TTLL8: variants seen among roughly 807,000 people sequenced by gnomAD.
TTLL8 encodes tubulin tyrosine ligase like 8.
TTLL8 carries 65 observed loss-of-function variants against 77.8 expected under a neutral mutation model. The ratio of observed to expected loss-of-function variants is 0.84; its 90% CI spans 0.68 to 1.03. The LOEUF is 1.03. TTLL8 is among the 50% of genes least tolerant of loss of function. TTLL8 has a pLI of 0.00. For synonymous variants in TTLL8, 402 were observed against 422.8 expected (o/e 0.95, Z 0.60); for missense variants, 910 against 1,004.5 (o/e 0.91, Z 1.27).
chr22:50,020,884 C>CGAT (rs2061192992), intron 12 of TTLL8, among the ~76,000 whole-genome samples: 2 of 136,194 alleles, frequency 1.5e-5, no homozygotes, highest in African/African-American at 5.6e-5. Context: ...CTCCATCTGA[C>CGAT]GTGCACTCCT....
upstream of TTLL8, among the ~76,000 whole-genome samples, chr22:50,056,215 C>T (rs1290678958): frequency 6.6e-6 from 1 of 152,202 alleles, no homozygotes; most frequent in Admixed American, 6.5e-5. This position sits in a 1 kb window ranked among gnomAD's most constrained non-coding sequence, Gnocchi z 4.1. Flanking sequence ...CCTGCAAGTC[C>T]ATGAGGCCAT....
exon 3 of TTLL8, chr22:50,049,286 A>G: frequency 7.3e-7 from 1 of 1,367,648 alleles, no homozygotes; most frequent in Non-Finnish European, 9.8e-7. Context: ...CTCCAAAGCC[A>G]TTTCTTGATT....
At chr22:50,030,981 C>A in intron 11 of TTLL8, 56 bp from the exon 13 acceptor site, 1 of 1,284,768 alleles carries the variant, frequency 7.8e-7, no homozygotes, top group African/African-American at 1.5e-5. Flanking sequence ...GGGGGGGTCC[C>A]TGCAGGAGGG....
rs1302809565 is a variant in TTLL8, at chr22:50,023,904, CA to C, written c.2203+6525del. Reference sequence around the variant, plus strand: ...GCATGGTCGTGGGCACCTGTAATCCCAGCTACTTGGGAGGCTGGGGCAGGAG... The same window carrying C: ...GCATGGTCGTGGGCACCTGTAATCCCGCTACTTGGGAGGCTGGGGCAGGAG... On this transcript the variant is annotated intron_variant, in intron 12 of 13. Transcript: ENST00000266182. 3.9e-5 allele frequency among the ~76,000 whole-genome samples: 6 copies of C among 151,948 alleles called. No individual in the cohort carries two copies. The South Asian group carries it at 8.3e-4, about 21-fold the overall frequency.
chr22:50,041,044 G>A lies in TTLL8; in HGVS notation c.921+143C>T. The A allele has an allele frequency of 6.5e-6, 2 of 307,976 alleles. No homozygotes were observed. The highest frequency in any genetic ancestry group is 5.7e-5 in the South Asian group (2 of 34,886). The allele number at this position is 307,976 out of a possible 1,614,324, so 19.1% of individuals were successfully genotyped here. A position where few individuals can be genotyped will look rare whatever the true frequency, so the allele number is the denominator to read the frequency against. ...GCATACATCTGCCAGTCATTCACCA[G>A]CTGCCAAGCTCTGGGCCTCGGCACA... is the stretch of plus-strand genomic sequence containing the variant. On this transcript the variant is annotated intron_variant, in intron 8 of 13. Coordinates refer to ENST00000266182, the Ensembl canonical transcript of TTLL8. The surrounding 1 kb of genome is among the most constrained non-coding windows in gnomAD (Gnocchi z 4.3).
chr22:50,051,058 C>T (rs1264742123), intron 1 of TTLL8, among the ~76,000 whole-genome samples: 1 of 152,178 alleles, frequency 6.6e-6, no homozygotes, highest in Non-Finnish European at 1.5e-5. Flanking sequence ...GATGGGGTTT[C>T]ATCATGTTGG....
At chr22:50,045,109 T>C (rs1451111556) in intron 6 of TTLL8, 146 bp downstream of exon 8, 2 of 958,004 alleles carry the variant, frequency 2.1e-6, no homozygotes, top group Non-Finnish European at 2.7e-6. Flanking sequence ...CCGTCTGCCA[T>C]GAGAATCGAG....
chr22:50,043,256 G>A (rs2061384059), intron 6 of TTLL8, among the ~76,000 whole-genome samples: 1 of 151,716 alleles, frequency 6.6e-6, no homozygotes, highest in African/African-American at 2.4e-5. Flanking sequence ...GATAAACAGT[G>A]GTGCCGAGAC....
At chr22:50,025,598 C>T (rs2061226278) in intron 12 of TTLL8, among the ~76,000 whole-genome samples, 1 of 152,166 alleles carries the variant, frequency 6.6e-6, no homozygotes, top group East Asian at 1.9e-4. Context: ...CGAGATCGTG[C>T]GGTTGCACTC....
chr22:50,027,272 G>A (rs1601906852), intron 12 of TTLL8, among the ~76,000 whole-genome samples: 3 of 150,666 alleles, frequency 2.0e-5, no homozygotes, highest in South Asian at 2.1e-4. Flanking sequence ...GGTGGCTCAC[G>A]CCTGTAATCC....
intron 3 of TTLL8, among the ~76,000 whole-genome samples, chr22:50,048,475 T>C (rs2083062743): frequency 6.6e-6 from 1 of 151,942 alleles, no homozygotes; most frequent in Non-Finnish European, 1.5e-5. Flanking sequence ...AGCAGGACAC[T>C]CTCACAGCAC....
At chr22:50,058,107 G>A (rs1223911359), upstream of TTLL8, among the ~76,000 whole-genome samples, 5 of 151,788 alleles carry the variant, frequency 3.3e-5, no homozygotes, top group Admixed American at 6.6e-5. The surrounding 1 kb of genome is among the most constrained non-coding windows in gnomAD (Gnocchi z 4.2). Context: ...GTCCGGGATC[G>A]GAAGCGCGGA....
Position 50,041,625 on chromosome 22 carries a change from C to A in TTLL8, c.826G>T (p.Val276Phe), listed in dbSNP as rs146846158. Reference sequence around the variant, plus strand: ...AGGGGCCTGCGTAAGTCTTACTGAACGAGGGAGTAGTACTGCTGGGTCAGG... The same window carrying A: ...AGGGGCCTGCGTAAGTCTTACTGAAAGAGGGAGTAGTACTGCTGGGTCAGG... The change falls in exon 7 of 14, where the codon GTT (valine) becomes TTT (phenylalanine). Residue 276 changes from valine to phenylalanine, a missense_variant. By Grantham distance (50) the Val-to-Phe change is conservative. Around this residue, in one of 2 missense-constraint regions of TTLL8, gnomAD observed 776 missense variants for 926.1 expected, o/e 0.84. Transcript: ENST00000266182. The surrounding 1 kb of genome is among the most constrained non-coding windows in gnomAD (Gnocchi z 4.3). 1.5e-6 allele frequency: 2 copies of A among 1,355,722 alleles called. No individual in the cohort carries two copies. Among genetic ancestry groups the A allele is most frequent in the Middle Eastern group, 2.1e-4 (1 of 4,692 alleles). 84.0% of individuals were successfully genotyped at this position (1,355,722 alleles called of 1,614,324 possible). A position where few individuals can be genotyped will look rare whatever the true frequency, so the allele number is the denominator to read the frequency against.
intron 12 of TTLL8, among the ~76,000 whole-genome samples, chr22:50,018,675 G>A (rs977532398): frequency 6.6e-6 from 1 of 152,256 alleles, no homozygotes. Context: ...GGCTGACTCT[G>A]CTGATTTTCC....
At chr22:50,031,687 T>C (rs2061294363) in exon 11 of TTLL8, 1 of 1,284,644 alleles carries the variant, frequency 7.8e-7, no homozygotes, top group African/African-American at 1.5e-5. Context: ...GTGGCTCACC[T>C]GCCTCCACAG....
intron 12 of TTLL8, among the ~76,000 whole-genome samples, chr22:50,028,677 C>CCCTCGT (rs2061251169): frequency 1.4e-5 from 1 of 71,652 alleles, no homozygotes; most frequent in Non-Finnish European, 3.4e-5. Context: ...CCCCCACACA[C>CCCTCGT]ACTCGTAAAG....
In TTLL8 at chr22:50,041,372, A is replaced by G. The variant is rs554321277; in HGVS notation, c.831-95T>C. ...CCCGACACCCATAAGGCACCCCAAGATCCAGACAGACACCCCAATACCCAA... is the reference window on the plus strand; with the variant it reads ...CCCGACACCCATAAGGCACCCCAAGGTCCAGACAGACACCCCAATACCCAA... On this transcript the variant is annotated intron_variant, in intron 7 of 13. Coordinates refer to ENST00000266182, the Ensembl canonical transcript of TTLL8. The surrounding 1 kb of genome is among the most constrained non-coding windows in gnomAD (Gnocchi z 4.3). The G allele has an allele frequency of 6.6e-6, 5 of 752,452 alleles. No homozygotes were observed. In the East Asian group the frequency reaches 2.2e-4, roughly 33 times the overall value. The allele number at this position is 752,452 out of a possible 1,614,324, so 46.6% of individuals were successfully genotyped here. A position where few individuals can be genotyped will look rare whatever the true frequency, so the allele number is the denominator to read the frequency against.
chr22:50,034,635 A>C lies in TTLL8; in HGVS notation c.922-173T>G. The C allele has an allele frequency of 1.9e-6, 1 of 518,512 alleles. No individual in the cohort carries two copies. The highest frequency in any genetic ancestry group is 3.1e-6 in the Non-Finnish European group (1 of 324,786). 32.1% of individuals were successfully genotyped at this position (518,512 alleles called of 1,614,324 possible). A position where few individuals can be genotyped will look rare whatever the true frequency, so the allele number is the denominator to read the frequency against. On this transcript the variant is annotated intron_variant, in intron 8 of 13. Transcript: ENST00000266182. The surrounding 1 kb of genome is among the most constrained non-coding windows in gnomAD (Gnocchi z 4.1). ...GGAAAGGGCTGCGGGTCGGCCCAGG[A>C]AGTTCTCCCAACAGTATGGACACCT...
chr22:50,048,542 A>T (rs995045751), intron 3 of TTLL8, among the ~76,000 whole-genome samples: 5 of 152,068 alleles, frequency 3.3e-5, no homozygotes, highest in African/African-American at 1.2e-4. Context: ...GAATGTTCTG[A>T]TGTGTCCACA....
Sources: gnomAD v4.1 joint callset for allele counts (sites outside exome capture counted in the v4.1 genomes callset) on GRCh38, gnomAD v4.1.1 for gene constraint, gnomAD v4.1.1 regional missense constraint, Gnocchi (gnomAD v3.1) non-coding constraint, MANE v1.5 for transcripts, NCBI Gene and HGNC (gene_info 2026-07-23, HGNC 2026-07-21) for gene names.